Variants in FSIP1 observed in about 807,000 individuals in gnomAD.
FSIP1 encodes fibrous sheath interacting protein 1, also known as fibrous sheath-interacting protein 1.
FSIP1 carries 65 observed loss-of-function variants against 60.9 expected under a neutral mutation model. That is an observed-to-expected ratio of 1.07 (90% confidence interval 0.87 to 1.31). FSIP1 has a LOEUF of 1.31. FSIP1 is among the 40% of genes most tolerant of loss of function. The pLI is 0.00. For synonymous variants in FSIP1, 209 were observed against 221.2 expected (o/e 0.94, Z 0.49); for missense variants, 675 against 665.5 (o/e 1.01, Z -0.16).
intron 10 of FSIP1, among the ~76,000 whole-genome samples, chr15:39,690,218 G>A (rs1044081999): frequency 6.6e-6 from 1 of 152,178 alleles, no homozygotes; most frequent in Non-Finnish European, 1.5e-5. Flanking sequence ...AGGGAATCTG[G>A]ATTCATCTTA....
At chr15:39,660,333 T>TA (rs1365046981) in intron 10 of FSIP1, among the ~76,000 whole-genome samples, 3 of 152,192 alleles carry the variant, frequency 2.0e-5, no homozygotes, top group Non-Finnish European at 4.4e-5. Flanking sequence ...AGGCAGTTTT[T>TA]ATATATTCTC....
intron 10 of FSIP1, among the ~76,000 whole-genome samples, chr15:39,645,653 C>A (rs9806365): frequency 2.0e-5 from 3 of 152,052 alleles, no homozygotes; most frequent in South Asian, 2.1e-4. Context: ...TTGGCCAGGC[C>A]GGAGCTCCTG....
chr15:39,677,174 G>A (rs1046780827), intron 10 of FSIP1, among the ~76,000 whole-genome samples: 4 of 152,138 alleles, frequency 2.6e-5, no homozygotes, highest in Non-Finnish European at 4.4e-5. Flanking sequence ...AAACCATTAC[G>A]TATGTGATTC....
chr15:39,739,530 C>T (rs747283030), intron 7 of FSIP1, 135 bp downstream of exon 7: 3 of 772,970 alleles, frequency 3.9e-6, no homozygotes, highest in Non-Finnish European at 6.0e-6. Context: ...AGTTTTCTTT[C>T]ATTATATCTA....
chr15:39,599,523 C>T (rs1890564618), downstream of FSIP1: 1 of 150,194 alleles, frequency 6.7e-6, no homozygotes, highest in Admixed American at 6.6e-5. Context: ...CTACCCTCCC[C>T]TCCCCTCCCT....
intron 10 of FSIP1, among the ~76,000 whole-genome samples, chr15:39,635,556 C>G (rs1332788088): frequency 1.3e-5 from 2 of 152,154 alleles, no homozygotes; most frequent in African/African-American, 4.8e-5. Flanking sequence ...TATGAACTGA[C>G]CTGTCTGGGA....
chr15:39,618,119 G>A lies in FSIP1; in HGVS notation c.1315C>T (p.Pro439Ser), dbSNP rs762074052. Residue 439 changes from proline to serine, a missense_variant, in exon 11 of 12, where the codon CCT becomes TCT. Pro to Ser is a moderately conservative substitution (Grantham distance 74, BLOSUM62 -1). Transcript: ENST00000350221. ...RKKEDIEDVT[P>S]VFPQLSRSII... Reference sequence around the variant, plus strand: ...GACCTGGAAAGCTGGGGGAACACAGGTGTTACGTCCTCAATGTCTTCCTTT... The same window carrying A: ...GACCTGGAAAGCTGGGGGAACACAGATGTTACGTCCTCAATGTCTTCCTTT... The A allele has an allele frequency of 6.2e-7, 1 of 1,614,168 alleles. No homozygotes were observed. Among genetic ancestry groups the A allele is most frequent in the Non-Finnish European group, 8.5e-7 (1 of 1,180,024 alleles).
chr15:39,760,518 A>T (rs1227581179), intron 5 of FSIP1, among the ~76,000 whole-genome samples: 1 of 152,222 alleles, frequency 6.6e-6, no homozygotes, highest in Non-Finnish European at 1.5e-5. Context: ...CTTCCAGAGT[A>T]TGCTTGCCAA....
chr15:39,685,830 C>T (rs1894345594), intron 10 of FSIP1, among the ~76,000 whole-genome samples: 1 of 152,152 alleles, frequency 6.6e-6, no homozygotes, highest in South Asian at 2.1e-4. Flanking sequence ...AGCAGCTGGC[C>T]ATCACCCAGG....
At chr15:39,775,659 G>C (rs1224147143) in intron 2 of FSIP1, among the ~76,000 whole-genome samples, 1 of 152,164 alleles carries the variant, frequency 6.6e-6, no homozygotes, top group Non-Finnish European at 1.5e-5. Flanking sequence ...TCTTCTGACA[G>C]TGTTCTCATG....
intron 10 of FSIP1, among the ~76,000 whole-genome samples, chr15:39,641,335 C>T (rs1452440385): frequency 1.3e-5 from 2 of 152,186 alleles, no homozygotes; most frequent in African/African-American, 4.8e-5. Flanking sequence ...AGCACAAAAG[C>T]AAAGTTCAGG....
chr15:39,754,014 G>A (rs1425018537), intron 5 of FSIP1, among the ~76,000 whole-genome samples: 4 of 151,998 alleles, frequency 2.6e-5, no homozygotes, highest in Non-Finnish European at 5.9e-5. Context: ...TAATATAAGA[G>A]ACACAAACCA....
intron 10 of FSIP1, among the ~76,000 whole-genome samples, chr15:39,696,325 A>G (rs1894811090): frequency 6.6e-6 from 1 of 152,198 alleles, no homozygotes; most frequent in Non-Finnish European, 1.5e-5. Context: ...AAATAAATGA[A>G]AAAAGATACA....
At chr15:39,656,494 G>A (rs1893075958) in intron 10 of FSIP1, among the ~76,000 whole-genome samples, 1 of 152,122 alleles carries the variant, frequency 6.6e-6, no homozygotes, top group South Asian at 2.1e-4. Context: ...TGAGAGTGTG[G>A]CACTTCAAGC....
chr15:39,716,645 G>A (rs1566898600), intron 9 of FSIP1, among the ~76,000 whole-genome samples: 2 of 152,040 alleles, frequency 1.3e-5, no homozygotes, highest in Admixed American at 1.3e-4. Context: ...AGTCACTGGG[G>A]AAATGCAATT....
At chr15:39,668,386 T>G (rs1893585789) in intron 10 of FSIP1, among the ~76,000 whole-genome samples, 1 of 152,064 alleles carries the variant, frequency 6.6e-6, no homozygotes, top group Admixed American at 6.6e-5. Context: ...ATCTGTCAAC[T>G]CATATCTTAA....
intron 3 of FSIP1, among the ~76,000 whole-genome samples, chr15:39,769,609 C>T (rs914570488): frequency 2.2e-4 from 33 of 152,130 alleles, no homozygotes; most frequent in African/African-American, 8.0e-4. Context: ...AGCATAATTG[C>T]TTTATGTATA....
rs150741885 is a variant in FSIP1 at position 39,672,772 on chromosome 15, G to T, written c.1188+40672C>A. ...GAGAAGAGCCAAAATTAGAATCTAA[G>T]TCTGTTTCATTCCAAATGTTCATAA... On this transcript the variant is annotated intron_variant, in intron 10 of 11. Transcript: ENST00000350221. 1.7e-3 allele frequency among the ~76,000 whole-genome samples: 266 copies of T among 152,246 alleles called. 4 individuals carry two copies. Among genetic ancestry groups the T allele is most frequent in the African/African-American group, 6.2e-3 (258 of 41,524 alleles).
At chr15:39,761,888 T>C (rs1206719125) in intron 5 of FSIP1, among the ~76,000 whole-genome samples, 1 of 152,206 alleles carries the variant, frequency 6.6e-6, no homozygotes, top group Non-Finnish European at 1.5e-5. Flanking sequence ...CATAAAACAG[T>C]GAACACTTTA....
Sources: gnomAD v4.1 joint callset for allele counts (sites outside exome capture counted in the v4.1 genomes callset) on GRCh38, gnomAD v4.1.1 for gene constraint, MANE v1.5 for transcripts, NCBI Gene and HGNC (gene_info 2026-07-23, HGNC 2026-07-21) for gene names.